MEF2C: variants seen among roughly 807,000 people sequenced by gnomAD.
The protein encoded by MEF2C is myocyte-specific enhancer factor 2C.
Under a neutral mutation model 50.5 loss-of-function variants are expected in MEF2C, and 6 were observed. The ratio of observed to expected loss-of-function variants is 0.12; its 90% CI spans 0.07 to 0.23. The LOEUF (loss-of-function observed/expected upper bound fraction) is 0.23. MEF2C is among the 10% of genes least tolerant of loss of function. The pLI, the probability that MEF2C is intolerant of heterozygous loss-of-function variation, is 1.00. For synonymous variants in MEF2C, 183 were observed against 228.0 expected (o/e 0.80, Z 1.78); for missense variants, 276 against 605.0 (o/e 0.46, Z 5.70).
intron 1 of MEF2C, among the ~76,000 whole-genome samples, chr5:88,903,474 A>G (rs1463417950): frequency 6.6e-6 from 1 of 152,012 alleles, no homozygotes; most frequent in African/African-American, 2.4e-5. Flanking sequence ...GCATGCACAC[A>G]TTTTAAAAAA....
chr5:88,895,364 CTT>C (rs1835011208), intron 1 of MEF2C, among the ~76,000 whole-genome samples: 2 of 151,992 alleles, frequency 1.3e-5, no homozygotes, highest in Non-Finnish European at 2.9e-5. Context: ...TTTAGATAAA[CTT>C]TTTTGGGGTA....
chr5:88,873,708 ATTTTTTTTTTTT>A (rs199642010), intron 1 of MEF2C, among the ~76,000 whole-genome samples: 66 of 93,812 alleles, frequency 7.0e-4, no homozygotes, highest in African/African-American at 1.9e-3. Flanking sequence ...GTCGTCACGG[ATTTTTTTTTTTT>A]TTTTTTTTTT....
Position 88,819,985 on chromosome 5 carries a change from T to C in MEF2C, c.54+3750A>G, listed in dbSNP as rs144461738. On this transcript the variant is annotated intron_variant, in intron 2 of 10. Coordinates refer to ENST00000504921, the MANE Select transcript of MEF2C (RefSeq NM_002397.5). ...TCACCACTGAATACTTGGTGTTAGG[T>C]ACACTGCAGTCTAGTAATATTTGTT... Among the ~76,000 whole-genome samples, 278 of 152,058 alleles carry C rather than the reference T, an allele frequency of 1.8e-3. 1 individual carries two copies. The South Asian group carries it at 0.02, about 11-fold the overall frequency.
At chr5:88,782,508 G>A (rs619584) in intron 3 of MEF2C, among the ~76,000 whole-genome samples, 91,794 of 151,434 alleles carry the variant, frequency 0.61, 28,909 homozygotes, top group Non-Finnish European at 0.71. Context: ...AACAACAAAC[G>A]CAACAAAAAA....
At chr5:88,802,712 G>A (rs1170812803) in intron 3 of MEF2C, among the ~76,000 whole-genome samples, 1 of 152,148 alleles carries the variant, frequency 6.6e-6, no homozygotes, top group African/African-American at 2.4e-5. Context: ...GCCTCCCAAA[G>A]TGTTGGCATT....
At chr5:88,869,482 T>C (rs1387878381) in intron 1 of MEF2C, among the ~76,000 whole-genome samples, 1 of 151,454 alleles carries the variant, frequency 6.6e-6, no homozygotes, top group Non-Finnish European at 1.5e-5. Context: ...AGCACTTAAG[T>C]ACCTTTTTAA....
intron 1 of MEF2C, among the ~76,000 whole-genome samples, chr5:88,842,553 G>C (rs905870959): frequency 1.3e-5 from 2 of 149,034 alleles, no homozygotes; most frequent in Non-Finnish European, 3.0e-5. Context: ...AAAAAAAAAA[G>C]AGAAATTATA....
chr5:88,862,398 T>C (rs192436469), intron 1 of MEF2C, among the ~76,000 whole-genome samples: 2 of 152,316 alleles, frequency 1.3e-5, no homozygotes, highest in South Asian at 2.1e-4. Context: ...CTACGTGTCT[T>C]ATAAGATCAT....
intron 3 of MEF2C, among the ~76,000 whole-genome samples, chr5:88,797,546 A>T (rs1168935355): frequency 2.2e-4 from 28 of 129,032 alleles, no homozygotes; most frequent in African/African-American, 7.5e-4. Context: ...GTGTCTTTGT[A>T]CGCGACATGG....
chr5:88,840,045 ATT>A (rs1816765028), intron 1 of MEF2C, among the ~76,000 whole-genome samples: 1 of 152,244 alleles, frequency 6.6e-6, no homozygotes, highest in African/African-American at 2.4e-5. Context: ...GGATATTAAT[ATT>A]GGCAAGAGTT....
chr5:88,745,651 A>AG (rs1769121793), intron 6 of MEF2C, among the ~76,000 whole-genome samples: 1 of 13,214 alleles, frequency 7.6e-5, no homozygotes, highest in South Asian at 2.8e-3. Context: ...CTCTATAAGG[A>AG]AAAAAATTAA....
intron 4 of MEF2C, chr5:88,760,961 G>T: frequency 6.3e-7 from 1 of 1,594,742 alleles, no homozygotes; most frequent in South Asian, 1.1e-5. Flanking sequence ...GTTATCAGCA[G>T]ACCAGCCATC....
intron 1 of MEF2C, among the ~76,000 whole-genome samples, chr5:88,879,885 T>C (rs750739301): frequency 6.6e-5 from 10 of 152,168 alleles, no homozygotes; most frequent in Non-Finnish European, 1.2e-4. Flanking sequence ...AATCAGCTTT[T>C]ATCTTTGACC....
intron 3 of MEF2C, among the ~76,000 whole-genome samples, chr5:88,774,972 G>A (rs1003043849): frequency 6.6e-6 from 1 of 152,180 alleles, no homozygotes; most frequent in Non-Finnish European, 1.5e-5. Flanking sequence ...ACAAGGCTGC[G>A]CTCCTTGAGG....
chr5:88,853,462 G>A (rs1384659857), intron 1 of MEF2C, among the ~76,000 whole-genome samples: 2 of 152,136 alleles, frequency 1.3e-5, no homozygotes, highest in Non-Finnish European at 2.9e-5. Flanking sequence ...ACAGTATAAA[G>A]TCACTATAAT....
chr5:88,734,148 G>T, intron 6 of MEF2C: 2 of 984,690 alleles, frequency 2.0e-6, no homozygotes, highest in Non-Finnish European at 2.4e-6. Context: ...AATATGTTAT[G>T]AACTTAGTTT....
Position 88,830,657 on chromosome 5 carries a change from A to G in MEF2C, c.-142-6727T>C, listed in dbSNP as rs1444708902. On this transcript the variant is annotated intron_variant, in intron 1 of 10. Coordinates refer to ENST00000504921, the MANE Select transcript of MEF2C (RefSeq NM_002397.5). ...ACCTTGTGCTATCCAACCCTACCAC[A>G]GCTTTTAGTCTTTCCACATCATATT... Among the ~76,000 whole-genome samples the G allele has an allele frequency of 9.2e-5, 14 of 152,080 alleles. 1 individual carries two copies. The highest frequency in any genetic ancestry group is 9.2e-4 in the Admixed American group (14 of 15,240).
At chr5:88,847,791 A>G (rs182349747) in intron 1 of MEF2C, among the ~76,000 whole-genome samples, 91 of 152,284 alleles carry the variant, frequency 6.0e-4, no homozygotes, top group African/African-American at 2.1e-3. Flanking sequence ...TAAAATTAGG[A>G]TACAACATCA....
chr5:88,864,863 C>T (rs377296647), intron 1 of MEF2C, among the ~76,000 whole-genome samples: 127 of 152,084 alleles, frequency 8.4e-4, no homozygotes, highest in African/African-American at 2.0e-3. Flanking sequence ...CTCCGCCTCC[C>T]GGGTTCAAGC....
Sources: allele counts gnomAD v4.1 joint callset (sites outside exome capture counted in the v4.1 genomes callset), GRCh38; gene constraint gnomAD v4.1.1; transcripts MANE v1.5; gene names NCBI Gene and HGNC (gene_info 2026-07-23, HGNC 2026-07-21).